CLCA2: variants seen among roughly 807,000 people sequenced by gnomAD.
The protein encoded by CLCA2 is calcium-activated chloride channel regulator 2.
A neutral mutation model predicts 82.9 loss-of-function variants in CLCA2; 85 were observed. The observed-to-expected ratio is 1.03, with a 90% CI of 0.86 to 1.23. The LOEUF (loss-of-function observed/expected upper bound fraction) is 1.23. CLCA2 is among the 50% of genes most tolerant of loss of function. The pLI, the probability that CLCA2 is intolerant of heterozygous loss-of-function variation, is 0.00. For missense variants in CLCA2, 1,089 were observed against 1,124.8 expected (o/e 0.97, Z 0.45); for synonymous variants, 421 against 391.7 (o/e 1.07, Z -0.88).
chr1:86,425,264 T>C (rs1662364571), intron 1 of CLCA2, 75 bp from the exon 2 acceptor site: 1 of 1,087,280 alleles, frequency 9.2e-7, no homozygotes, highest in Non-Finnish European at 1.3e-6. Flanking sequence ...TTTATTACTG[T>C]TTAAGCATAC....
At position 86,450,641 on chromosome 1, in the gene CLCA2, A is replaced by C. The variant is rs766911563; in HGVS notation, c.2063A>C (p.Lys688Thr). The change falls in exon 12 of 14, where the codon AAA becomes ACA. Residue 688 changes from lysine to threonine, a missense_variant. Physicochemically the swap from Lys to Thr is moderately conservative, Grantham distance 78. Coordinates refer to ENST00000370565, the MANE Select transcript of CLCA2 (RefSeq NM_006536.7). ...GCTGCAAATGGTAGATATAGCTTGAAAGTGCATGTCAATCACTCTCCCAGC... is the reference window on the plus strand; with the variant it reads ...GCTGCAAATGGTAGATATAGCTTGACAGTGCATGTCAATCACTCTCCCAGC... ...SFAANGRYSL[K>T]VHVNHSPSIS... is the part of the protein sequence containing the mutation. 25 of 1,613,432 alleles carry C rather than the reference A, an allele frequency of 1.5e-5. No homozygotes were observed. The highest frequency in any genetic ancestry group is 2.2e-5 in the East Asian group (1 of 44,886).
rs1388911935 is a variant in CLCA2, at chr1:86,440,187, A to G, written c.1243A>G (p.Met415Val). The part of the protein sequence containing the change: ...KLNGKAYGSV[M>V]ILVTSGDDKL... ...GAATGGAAAAGCTTATGGCTCTGTGATGATATTAGTGACCAGCGGAGATGA... is the reference window on the plus strand; with the variant it reads ...GAATGGAAAAGCTTATGGCTCTGTGGTGATATTAGTGACCAGCGGAGATGA... The change falls in exon 8 of 14, where the codon ATG (methionine) becomes GTG (valine). Residue 415 changes from methionine (M) to valine (V), a missense_variant. Transcript: ENST00000370565. 1 of 1,614,120 alleles carries G rather than the reference A, an allele frequency of 6.2e-7. No homozygotes were observed. Among genetic ancestry groups the G allele is most frequent in the Non-Finnish European group, 8.5e-7 (1 of 1,179,976 alleles).
chr1:86,428,288 G>C, intron 2 of CLCA2, 130 bp from the exon 3 acceptor site: 1 of 801,806 alleles, frequency 1.2e-6, no homozygotes, highest in Non-Finnish European at 1.8e-6. Flanking sequence ...TTTTTAAATT[G>C]GGTTATAATT....
rs1018112866 is a variant in CLCA2, at chr1:86,428,342, G to A, written c.325-76G>A. ...ACATCTTAAGTGTACAGTTCAAAGT[G>A]CTTTAATGAATGTATACATTTATGT... On this transcript the variant is annotated intron_variant, in intron 2 of 13. Coordinates refer to ENST00000370565, the MANE Select transcript of CLCA2 (RefSeq NM_006536.7). The A allele has an allele frequency of 4.3e-6, 6 of 1,387,628 alleles. No homozygotes were observed. In the Admixed American group the frequency reaches 6.8e-5, roughly 16 times the overall value. The allele number at this position is 1,387,628 out of a possible 1,614,324, so 86.0% of individuals were successfully genotyped here.
At chr1:86,429,879 G>GT (rs892508739) in intron 3 of CLCA2, among the ~76,000 whole-genome samples, 13 of 152,104 alleles carry the variant, frequency 8.5e-5, no homozygotes, top group African/African-American at 2.7e-4. Context: ...GAAAAACGTA[G>GT]TTTTTTTTCT....
At chr1:86,434,483 T>C (rs372330832) in intron 5 of CLCA2, 35 bp from the exon 6 acceptor site, 116 of 1,548,056 alleles carry the variant, frequency 7.5e-5, no homozygotes, top group Non-Finnish European at 9.6e-5. Context: ...TTGGGAGAAG[T>C]GCCTCTCTTT....
chr1:86,431,535 G>A (rs1662498920), intron 4 of CLCA2, among the ~76,000 whole-genome samples: 1 of 152,178 alleles, frequency 6.6e-6, no homozygotes, highest in Non-Finnish European at 1.5e-5. Flanking sequence ...CAATTACTGA[G>A]TCAAAGGGTG....
At chr1:86,439,247 T>C (rs56187142) in intron 7 of CLCA2, 141 bp downstream of exon 7, 39,868 of 727,870 alleles carry the variant, frequency 0.055, 1,320 homozygotes, top group East Asian at 0.11. Context: ...TGGATTATCT[T>C]TCAAGTCAGG....
intron 12 of CLCA2, among the ~76,000 whole-genome samples, chr1:86,450,988 T>G (rs1662951975): frequency 6.6e-6 from 1 of 152,242 alleles, no homozygotes; most frequent in Non-Finnish European, 1.5e-5. Context: ...ACCTCTTTCT[T>G]GTTTCATCAG....
chr1:86,432,495 T>C lies in CLCA2; in HGVS notation c.711T>C (p.Thr237=). ...TCTACAATAGCACCCAAAATGCAACTGCATCAATAATGTTCATGCAAAGTT... is the reference window on the plus strand; with the variant it reads ...TCTACAATAGCACCCAAAATGCAACCGCATCAATAATGTTCATGCAAAGTT... ...TFIYNSTQNA[T]ASIMFMQSLS... Residue 237 remains threonine, a synonymous_variant, in exon 5 of 14, where the codon ACT becomes ACC. Coordinates refer to ENST00000370565, the MANE Select transcript of CLCA2 (RefSeq NM_006536.7). 6.2e-7 allele frequency: 1 copy of C among 1,614,008 alleles called. No homozygotes were observed. Among genetic ancestry groups the C allele is most frequent in the Non-Finnish European group, 8.5e-7 (1 of 1,179,952 alleles).
At chr1:86,442,892 T>C (rs1662765561) in intron 9 of CLCA2, among the ~76,000 whole-genome samples, 1 of 152,210 alleles carries the variant, frequency 6.6e-6, no homozygotes, top group African/African-American at 2.4e-5. Context: ...TGGATAACAA[T>C]AGTATTTATC....
chr1:86,440,085 C>A lies in CLCA2; in HGVS notation c.1204-63C>A, dbSNP rs1260176129. ...GTGGGAATTTGGATGAGAGTGAATT[C>A]TTTTGCTCAATAAAACAATTTGAAC... On this transcript the variant is annotated intron_variant, in intron 7 of 13. Coordinates refer to ENST00000370565, the MANE Select transcript of CLCA2 (RefSeq NM_006536.7). 1.3e-5 allele frequency: 20 copies of A among 1,528,264 alleles called. No homozygotes were observed. In the South Asian group the frequency reaches 2.1e-4, roughly 16 times the overall value. 94.7% of individuals were successfully genotyped at this position (1,528,264 alleles called of 1,614,324 possible). A position where few individuals can be genotyped will look rare whatever the true frequency, so the allele number is the denominator to read the frequency against.
At chr1:86,437,112 G>A (rs1424010067) in intron 6 of CLCA2, among the ~76,000 whole-genome samples, 1 of 152,180 alleles carries the variant, frequency 6.6e-6, no homozygotes, top group African/African-American at 2.4e-5. Flanking sequence ...GATGGTACTT[G>A]AGAGTATCAT....
chr1:86,440,114 A>G lies in CLCA2; in HGVS notation c.1204-34A>G, dbSNP rs754707800. Reference sequence around the variant, plus strand: ...TGCTCAATAAAACAATTTGAACTACACTTCCTTCCAAGTGACTAATTCTCT... The same window carrying G: ...TGCTCAATAAAACAATTTGAACTACGCTTCCTTCCAAGTGACTAATTCTCT... On this transcript the variant is annotated intron_variant, in intron 7 of 13. Transcript: ENST00000370565. 4 of 1,602,972 alleles carry G rather than the reference A, an allele frequency of 2.5e-6. No homozygotes were observed. The East Asian group carries it at 8.9e-5, about 36-fold the overall frequency.
Position 86,432,548 on chromosome 1 carries a change from G to T in CLCA2, c.744+20G>T. The T allele has an allele frequency of 1.2e-6, 2 of 1,609,536 alleles. No individual in the cohort carries two copies. Among genetic ancestry groups the T allele is most frequent in the South Asian group, 2.2e-5 (2 of 90,238 alleles). On this transcript the variant is annotated intron_variant, in intron 5 of 13. Coordinates refer to ENST00000370565, the MANE Select transcript of CLCA2 (RefSeq NM_006536.7). ...TCTTCTGTAAGTATGCCCTTGGAAT[G>T]ACACACTCTTGCAGGATTCCTTCTC...
chr1:86,455,573 C>T lies in CLCA2; in HGVS notation c.*46C>T. The stretch of plus-strand genomic sequence containing the variant: ...CCTTCTTAGATATAAGACCCATGGC[C>T]TTCGACTACAAAAACATACTAACAA... On this transcript the variant is annotated 3_prime_UTR_variant, in exon 14 of 14. Transcript: ENST00000370565. 4 of 1,250,530 alleles carry T rather than the reference C, an allele frequency of 3.2e-6. No homozygotes were observed. Among genetic ancestry groups the T allele is most frequent in the Non-Finnish European group, 4.2e-6 (4 of 941,890 alleles). 77.5% of individuals were successfully genotyped at this position (1,250,530 alleles called of 1,614,324 possible).
At chr1:86,442,901 TCA>T (rs1662765780) in intron 9 of CLCA2, among the ~76,000 whole-genome samples, 1 of 152,232 alleles carries the variant, frequency 6.6e-6, no homozygotes, top group East Asian at 1.9e-4. Flanking sequence ...ATAGTATTTA[TCA>T]CAGAGGATTT....
At chr1:86,454,830 T>C (rs556957875) in intron 13 of CLCA2, among the ~76,000 whole-genome samples, 2 of 150,612 alleles carry the variant, frequency 1.3e-5, no homozygotes, top group South Asian at 2.1e-4. Context: ...AAACATCACA[T>C]AACATTTACA....
At chr1:86,451,802 A>G (rs1055297323) in intron 12 of CLCA2, among the ~76,000 whole-genome samples, 1 of 152,160 alleles carries the variant, frequency 6.6e-6, no homozygotes, top group African/African-American at 2.4e-5. Flanking sequence ...TAAGGGTAAT[A>G]ATTGTACCCT....
Sources: gnomAD v4.1 joint callset for allele counts (sites outside exome capture counted in the v4.1 genomes callset) on GRCh38, gnomAD v4.1.1 for gene constraint, MANE v1.5 for transcripts, NCBI Gene and HGNC (gene_info 2026-07-23, HGNC 2026-07-21) for gene names.